RBFOX1: variants seen among roughly 807,000 people sequenced by gnomAD.
The protein encoded by RBFOX1 is RNA binding fox-1 homolog 1.
RBFOX1 carries 8 observed loss-of-function variants against 57.7 expected under a neutral mutation model. That is an observed-to-expected ratio of 0.14 (90% CI 0.08 to 0.25). The LOEUF (loss-of-function observed/expected upper bound fraction) is 0.25. Among genes scored for constraint, RBFOX1 ranks in the 10% least tolerant of loss-of-function variants. The pLI, the probability that RBFOX1 is intolerant of heterozygous loss-of-function variation, is 1.00. For synonymous variants in RBFOX1, 326 were observed against 222.4 expected (o/e 1.47, Z -4.15); for missense variants, 611 against 548.5 (o/e 1.11, Z -1.14).
At chr16:7,281,682 C>G (rs536023808) in intron 4 of RBFOX1, among the ~76,000 whole-genome samples, 53 of 152,130 alleles carry the variant, frequency 3.5e-4, no homozygotes, top group African/African-American at 1.2e-3. Flanking sequence ...GAGCAATATG[C>G]AAATCAGTCA....
In RBFOX1 at chr16:7,637,844, A is replaced by C. The variant is rs79882931; in HGVS notation, c.757+7161A>C. Among the ~76,000 whole-genome samples the C allele has an allele frequency of 8.3e-3, 1,257 of 152,356 alleles. 8 individuals carry two copies. The highest frequency in any genetic ancestry group is 0.013 in the Non-Finnish European group (904 of 68,042). ...ACTTCAAAGATTAAAGGGGTATCCAAATACCTCATAAATAGCATTTTAATG... is the reference window on the plus strand; with the variant it reads ...ACTTCAAAGATTAAAGGGGTATCCACATACCTCATAAATAGCATTTTAATG... On this transcript the variant is annotated intron_variant, in intron 11 of 15. Transcript: ENST00000550418.
At chr16:5,828,345 A>C (rs750669537) in intron 3 of RBFOX1, among the ~76,000 whole-genome samples, 1 of 152,230 alleles carries the variant, frequency 6.6e-6, no homozygotes, top group Non-Finnish European at 1.5e-5. Flanking sequence ...ATTAAAGGAT[A>C]ATAGTCACTA....
intron 1 of RBFOX1, among the ~76,000 whole-genome samples, chr16:6,187,368 C>T (rs1300676374): frequency 6.6e-6 from 1 of 152,024 alleles, no homozygotes; most frequent in Admixed American, 6.6e-5. Context: ...ATGCACAACA[C>T]CCCTAGATGT....
chr16:6,986,776 A>G (rs2090383767), intron 3 of RBFOX1, among the ~76,000 whole-genome samples: 2 of 151,796 alleles, frequency 1.3e-5, no homozygotes, highest in African/African-American at 4.8e-5. Context: ...TGCCTCCTCC[A>G]CTTGCCTTTA....
At chr16:6,709,319 C>A (rs1008075308) in intron 3 of RBFOX1, among the ~76,000 whole-genome samples, 6 of 152,042 alleles carry the variant, frequency 3.9e-5, no homozygotes, top group Admixed American at 6.6e-5. Flanking sequence ...GCTAAATTCT[C>A]CGAGATTAAT....
chr16:5,577,985 C>T (rs981701855), intron 2 of RBFOX1, among the ~76,000 whole-genome samples: 3 of 152,196 alleles, frequency 2.0e-5, no homozygotes, highest in South Asian at 4.1e-4. Context: ...CAGAGTCTCT[C>T]TCTGTTGCCA....
At chr16:5,336,525 C>A (rs1212791139) in intron 1 of RBFOX1, among the ~76,000 whole-genome samples, 1 of 152,156 alleles carries the variant, frequency 6.6e-6, no homozygotes, top group African/African-American at 2.4e-5. Context: ...GATGAGCCGT[C>A]CTAGGTATGG....
rs1487809259 is a variant in RBFOX1 at position 6,518,785 on chromosome 16, G to A, written c.-63-135818G>A. 1.7e-4 allele frequency among the ~76,000 whole-genome samples: 13 copies of A among 75,844 alleles called. No individual in the cohort carries two copies. The Admixed American group carries it at 2.2e-3, about 13-fold the overall frequency. The allele number at this position is 75,844 out of a possible 152,430, so 49.8% of individuals were successfully genotyped here. On this transcript the variant is annotated intron_variant, in intron 2 of 15. Transcript: ENST00000550418. ...CATCTATCTATCCATCTGTCTGTCTGTCTGTGTGTCTGTCTATCTATCTAT... is the reference window on the plus strand; with the variant it reads ...CATCTATCTATCCATCTGTCTGTCTATCTGTGTGTCTGTCTATCTATCTAT...
At chr16:6,569,276 A>AAACAAC (rs2097310929) in intron 2 of RBFOX1, among the ~76,000 whole-genome samples, 4 of 152,196 alleles carry the variant, frequency 2.6e-5, no homozygotes, top group African/African-American at 9.6e-5. Flanking sequence ...AACAACAAAC[A>AAACAAC]TTTCTTTTTG....
At chr16:6,093,027 T>G (rs759648810) in intron 1 of RBFOX1, 7 of 152,186 alleles carry the variant, frequency 4.6e-5, no homozygotes, top group Non-Finnish European at 8.8e-5. Flanking sequence ...GCAATTTACC[T>G]GTATGACAAA....
chr16:6,520,573 G>C (rs760251213), intron 2 of RBFOX1, among the ~76,000 whole-genome samples: 1 of 152,082 alleles, frequency 6.6e-6, no homozygotes, highest in Non-Finnish European at 1.5e-5. Flanking sequence ...GTTCTAACTT[G>C]TGAAAAAAAA....
At chr16:5,279,592 C>G (rs1260025289) in intron 1 of RBFOX1, among the ~76,000 whole-genome samples, 2 of 152,184 alleles carry the variant, frequency 1.3e-5, no homozygotes, top group East Asian at 1.9e-4. Flanking sequence ...ACCTCCGCCT[C>G]TCGGGTTCAA....
chr16:6,335,791 G>GAAAAA (rs1251093700), intron 2 of RBFOX1, among the ~76,000 whole-genome samples: 5 of 118,980 alleles, frequency 4.2e-5, no homozygotes, highest in Middle Eastern at 4.3e-3. Context: ...AAAAAAAAAA[G>GAAAAA]AAAAAAAAAA....
intron 2 of RBFOX1, among the ~76,000 whole-genome samples, chr16:6,599,370 A>G (rs779156426): frequency 7.2e-5 from 11 of 152,198 alleles, no homozygotes; most frequent in Non-Finnish European, 1.6e-4. Flanking sequence ...ACCTGGGTCT[A>G]GTAATGAGTC....
At chr16:7,061,625 C>A (rs146485310) in intron 4 of RBFOX1, among the ~76,000 whole-genome samples, 1 of 152,292 alleles carries the variant, frequency 6.6e-6, no homozygotes, top group Non-Finnish European at 1.5e-5. Context: ...TCTCCCTTTC[C>A]CTTGCTTTAA....
chr16:7,216,763 C>T (rs535000345), intron 4 of RBFOX1, among the ~76,000 whole-genome samples: 185 of 152,206 alleles, frequency 1.2e-3, no homozygotes, highest in Non-Finnish European at 2.2e-3. Context: ...TGTTATAATT[C>T]CTCTTTTCAT....
In RBFOX1 at chr16:6,459,064, G is replaced by C. The variant is rs578138790; in HGVS notation, c.-64+142007G>C. 1.1e-4 allele frequency among the ~76,000 whole-genome samples: 17 copies of C among 152,330 alleles called. 1 individual carries two copies. The South Asian group carries it at 3.5e-3, about 32-fold the overall frequency. On this transcript the variant is annotated intron_variant, in intron 2 of 15. Transcript: ENST00000550418. ...AATCAGCACATTTTCAGCCAAGCCT[G>C]GTGGCTCACGCCTGTAATCCCAGCA...
intron 1 of RBFOX1, among the ~76,000 whole-genome samples, chr16:6,107,816 T>C (rs17134951): frequency 0.011 from 1,630 of 152,198 alleles, 14 homozygotes; most frequent in Non-Finnish European, 0.016. Context: ...GATCTTACTG[T>C]CTATACCTTA....
chr16:5,897,150 C>T (rs369881467), intron 4 of RBFOX1, among the ~76,000 whole-genome samples: 33 of 151,908 alleles, frequency 2.2e-4, no homozygotes, highest in African/African-American at 7.5e-4. Flanking sequence ...ATTCTCCCGC[C>T]TCAGCCTCCC....
Sources: allele counts gnomAD v4.1 joint callset (sites outside exome capture counted in the v4.1 genomes callset), GRCh38; gene constraint gnomAD v4.1.1; transcripts MANE v1.5; gene names NCBI Gene and HGNC (gene_info 2026-07-23, HGNC 2026-07-21).